COMMD10: variants seen among roughly 807,000 people sequenced by gnomAD.
COMMD10 encodes the protein COMM domain-containing protein 10.
Under a neutral mutation model 28.9 loss-of-function variants are expected in COMMD10, and 33 were observed. The ratio of observed to expected loss-of-function variants is 1.14; its 90% CI spans 0.87 to 1.53. The LOEUF (loss-of-function observed/expected upper bound fraction) is 1.53. Among genes scored for constraint, COMMD10 ranks in the 40% most tolerant of loss-of-function variants. COMMD10 has a pLI of 0.00. For missense variants in COMMD10, 310 were observed against 233.4 expected, an observed-to-expected ratio of 1.33 and a Z score of -2.14; for synonymous variants, 110 against 81.7, an observed-to-expected ratio of 1.35 and a Z score of -1.87.
intron 5 of COMMD10, among the ~76,000 whole-genome samples, chr5:116,262,425 A>G (rs554903658): frequency 8.1e-4 from 123 of 151,854 alleles, no homozygotes; most frequent in South Asian, 1.7e-3. Flanking sequence ...GGTGATGTGT[A>G]TATGTGTTTT....
intron 5 of COMMD10, among the ~76,000 whole-genome samples, chr5:116,210,212 A>T (rs1326650850): frequency 6.6e-6 from 1 of 152,130 alleles, no homozygotes; most frequent in South Asian, 2.1e-4. Context: ...CTCTCAATAC[A>T]TTTGCAATGG....
In COMMD10 at chr5:116,286,150, T is replaced by C. The variant is rs1156461066; in HGVS notation, c.511-5367T>C. Among the ~76,000 whole-genome samples, 4 of 151,750 alleles carry C rather than the reference T, an allele frequency of 2.6e-5. 1 individual carries two copies. Among genetic ancestry groups the C allele is most frequent in the Non-Finnish European group, 5.9e-5 (4 of 67,974 alleles). ...GGTTATTCAACTTGTTAGCAAACAG[T>C]TGTTCATAGTGGTCTTTTATAACAC... On this transcript the variant is annotated intron_variant, in intron 5 of 6. Coordinates refer to ENST00000274458, the MANE Select transcript of COMMD10 (RefSeq NM_016144.4).
Position 116,091,124 on chromosome 5 carries a change from G to A in COMMD10, c.178G>A (p.Ala60Thr), listed in dbSNP as rs781262047. The part of the protein sequence containing the change: ...SEEEEEKLQA[A>T]FSLEKQDLHL... ...AGAAGAGGAAGAAAAACTTCAAGCG[G>A]CATTTTCTCTAGAGAAACAAGATCT... The change falls in exon 3 of 7, where the codon GCA becomes ACA. Residue 60 changes from alanine to threonine, a missense_variant. Transcript: ENST00000274458. 15 of 1,611,706 alleles carry A rather than the reference G, an allele frequency of 9.3e-6. 1 individual carries two copies. In the South Asian group the frequency reaches 1.5e-4, roughly 17 times the overall value.
chr5:116,210,518 C>G (rs1017883693), intron 5 of COMMD10, among the ~76,000 whole-genome samples: 4 of 152,070 alleles, frequency 2.6e-5, no homozygotes, highest in African/African-American at 7.2e-5. Flanking sequence ...ATTTTGAAAA[C>G]TGCTCAATAA....
chr5:116,289,159 G>T (rs912335259), intron 5 of COMMD10, among the ~76,000 whole-genome samples: 16 of 151,786 alleles, frequency 1.1e-4, no homozygotes, highest in Admixed American at 2.0e-4. Context: ...TGGGATTACA[G>T]ATTTGAGCTA....
chr5:116,280,261 T>C (rs984101722), intron 5 of COMMD10, among the ~76,000 whole-genome samples: 2 of 151,848 alleles, frequency 1.3e-5, no homozygotes, highest in African/African-American at 4.9e-5. Flanking sequence ...GGAAAGAATC[T>C]TGGGTAGCCA....
At chr5:116,177,149 T>A (rs1753542087) in intron 5 of COMMD10, among the ~76,000 whole-genome samples, 1 of 152,056 alleles carries the variant, frequency 6.6e-6, no homozygotes, top group Non-Finnish European at 1.5e-5. Flanking sequence ...TGGAAGAGCC[T>A]CAGAGTGGTG....
At chr5:116,259,147 C>T (rs981709604) in intron 5 of COMMD10, among the ~76,000 whole-genome samples, 4 of 149,140 alleles carry the variant, frequency 2.7e-5, no homozygotes, top group African/African-American at 1.0e-4. Flanking sequence ...ACTGCAACCT[C>T]TGCTTCCTGG....
chr5:116,193,399 A>C (rs796357453), intron 5 of COMMD10, among the ~76,000 whole-genome samples: 2 of 152,178 alleles, frequency 1.3e-5, no homozygotes, highest in African/African-American at 4.8e-5. Flanking sequence ...ATTTACCAAC[A>C]AACTATCTGC....
intron 5 of COMMD10, among the ~76,000 whole-genome samples, chr5:116,155,209 T>C (rs1752667770): frequency 6.6e-6 from 1 of 152,130 alleles, no homozygotes; most frequent in Non-Finnish European, 1.5e-5. Context: ...CTGCATTATT[T>C]AGTTATTCTA....
chr5:116,273,645 G>A (rs373433332), intron 5 of COMMD10, among the ~76,000 whole-genome samples: 1 of 151,682 alleles, frequency 6.6e-6, no homozygotes, highest in Admixed American at 6.6e-5. Flanking sequence ...AAATTGTGAA[G>A]CTTCGTTATG....
chr5:116,229,120 T>C (rs1371880673), intron 5 of COMMD10, among the ~76,000 whole-genome samples: 1 of 152,050 alleles, frequency 6.6e-6, no homozygotes, highest in Non-Finnish European at 1.5e-5. Flanking sequence ...ATTTATCTAC[T>C]TTAAACATAA....
At chr5:116,172,591 G>A (rs1753371777) in intron 5 of COMMD10, among the ~76,000 whole-genome samples, 1 of 152,048 alleles carries the variant, frequency 6.6e-6, no homozygotes, top group Non-Finnish European at 1.5e-5. Context: ...GTTTTAGTCT[G>A]ATACTTTAGA....
At chr5:116,209,600 C>T (rs1748906499) in intron 5 of COMMD10, among the ~76,000 whole-genome samples, 1 of 152,122 alleles carries the variant, frequency 6.6e-6, no homozygotes, top group Non-Finnish European at 1.5e-5. Context: ...ACCCATGCTT[C>T]TGCCTAGTTA....
At chr5:116,290,515 G>A (rs1257095190) in intron 5 of COMMD10, among the ~76,000 whole-genome samples, 1 of 151,832 alleles carries the variant, frequency 6.6e-6, no homozygotes, top group East Asian at 1.9e-4. Context: ...GGTTTGAAAT[G>A]TCGGCTTTGT....
rs574243977 is a variant in COMMD10, at chr5:116,255,200, G to A, written c.511-36317G>A. ...TTTGAGCCTATGTGTGTCTCTGCCC[G>A]TGAGATGGGTTTCCTGAACACAGCA... On this transcript the variant is annotated intron_variant, in intron 5 of 6. Coordinates refer to ENST00000274458, the MANE Select transcript of COMMD10 (RefSeq NM_016144.4). Among the ~76,000 whole-genome samples the A allele has an allele frequency of 4.2e-4, 63 of 151,780 alleles. 2 individuals carry two copies. The highest frequency in any genetic ancestry group is 1.3e-3 in the African/African-American group (55 of 41,198).
intron 5 of COMMD10, among the ~76,000 whole-genome samples, chr5:116,268,801 C>A (rs1750676277): frequency 6.6e-6 from 1 of 151,722 alleles, no homozygotes; most frequent in African/African-American, 2.4e-5. Flanking sequence ...TTTGTACGGA[C>A]ATGGATGAAG....
chr5:116,216,935 T>A (rs896799404), intron 5 of COMMD10, among the ~76,000 whole-genome samples: 9 of 152,128 alleles, frequency 5.9e-5, no homozygotes, highest in African/African-American at 2.2e-4. Context: ...TTACACTGTA[T>A]TTTTAGTCCA....
At chr5:116,193,697 A>T (rs1189073054) in intron 5 of COMMD10, among the ~76,000 whole-genome samples, 1 of 152,168 alleles carries the variant, frequency 6.6e-6, no homozygotes, top group Non-Finnish European at 1.5e-5. Context: ...CTAAGAAATG[A>T]GATAGACAGC....
Sources: allele counts gnomAD v4.1 joint callset (sites outside exome capture counted in the v4.1 genomes callset), GRCh38; gene constraint gnomAD v4.1.1; transcripts MANE v1.5; gene names NCBI Gene and HGNC (gene_info 2026-07-23, HGNC 2026-07-21).